Variants in FRAS1 observed in about 807,000 individuals in gnomAD.
The protein encoded by FRAS1 is extracellular matrix organizing protein FRAS1.
A neutral mutation model predicts 435.2 loss-of-function variants in FRAS1; 290 were observed. That is an observed-to-expected ratio of 0.67 (90% CI 0.61 to 0.73). FRAS1 has a LOEUF of 0.73. FRAS1 is among the 30% of genes least tolerant of loss of function. The pLI, the probability that FRAS1 is intolerant of heterozygous loss-of-function variation, is 0.00. For missense variants in FRAS1, 4,860 were observed against 5,001.5 expected (o/e 0.97, Z 0.85); for synonymous variants, 1,800 against 1,851.0 (o/e 0.97, Z 0.71).
At chr4:78,086,167 G>T (rs1414967285) in intron 2 of FRAS1, among the ~76,000 whole-genome samples, 1 of 152,298 alleles carries the variant, frequency 6.6e-6, no homozygotes, top group East Asian at 1.9e-4. Flanking sequence ...AACTGCTCCT[G>T]AATGACTACT....
Position 78,432,452 on chromosome 4 carries a change from A to G in FRAS1, c.5065A>G (p.Thr1689Ala), listed in dbSNP as rs1289910642. 1.2e-6 allele frequency: 2 copies of G among 1,613,352 alleles called. No individual in the cohort carries two copies. Among genetic ancestry groups the G allele is most frequent in the Non-Finnish European group, 1.7e-6 (2 of 1,179,638 alleles). The change falls in exon 38 of 74, where the codon ACA becomes GCA. Residue 1689 changes from threonine (T) to alanine (A), a missense_variant. Physicochemically the swap from Thr to Ala is moderately conservative, Grantham distance 58. Transcript: ENST00000512123. ...TREDSMEISV[T>A]DGLTVTMLEV... ...GGAAGACAGCATGGAGATCTCAGTC[A>G]CAGATGGCCTCACAGTGACAATGCT...
chr4:78,468,785 C>G (rs1417998458), intron 50 of FRAS1, among the ~76,000 whole-genome samples: 1 of 152,172 alleles, frequency 6.6e-6, no homozygotes, highest in Non-Finnish European at 1.5e-5. Context: ...TGTGTCTGAC[C>G]TGGGGAAGGC....
chr4:78,319,647 C>G lies in FRAS1; in HGVS notation c.2137+661C>G, dbSNP rs150904569. The G allele has an allele frequency of 2.2e-3, 649 of 288,564 alleles. 3 individuals carry two copies. Among genetic ancestry groups the G allele is most frequent in the African/African-American group, 0.013 (597 of 46,002 alleles). 17.9% of individuals were successfully genotyped at this position (288,564 alleles called of 1,614,324 possible). A position where few individuals can be genotyped will look rare whatever the true frequency, so the allele number is the denominator to read the frequency against. On this transcript the variant is annotated intron_variant, in intron 18 of 73. Coordinates refer to ENST00000512123, the MANE Select transcript of FRAS1 (RefSeq NM_025074.7). ...TTCATTAAAAAAATTTTATAATACACCCACTACCTAAACCCAATTGCCTTT... is the reference window on the plus strand; with the variant it reads ...TTCATTAAAAAAATTTTATAATACAGCCACTACCTAAACCCAATTGCCTTT...
At chr4:78,093,008 T>C (rs1163457910) in intron 2 of FRAS1, among the ~76,000 whole-genome samples, 1 of 152,220 alleles carries the variant, frequency 6.6e-6, no homozygotes, top group Admixed American at 6.5e-5. Context: ...AACCTTTCCT[T>C]TTTGTGTAGC....
In FRAS1 at chr4:78,069,425, CT is replaced by C. The variant is rs1364555922; in HGVS notation, c.108+3412del. On this transcript the variant is annotated intron_variant, in intron 2 of 73. Transcript: ENST00000512123. ...TTGTGAGGATTCCTCTCACTGATTC[CT>C]TTCAATCTCTTCACTCATTGCTTAG... Among the ~76,000 whole-genome samples the C allele has an allele frequency of 2.6e-5, 4 of 152,196 alleles. No homozygotes were observed. The East Asian group carries it at 7.7e-4, about 29-fold the overall frequency.
At chr4:78,395,515 C>A (rs76835383) in intron 29 of FRAS1, among the ~76,000 whole-genome samples, 23,628 of 151,804 alleles carry the variant, frequency 0.16, 2,287 homozygotes, top group Non-Finnish European at 0.23. Context: ...GTTCTGTTAA[C>A]ATTTGCTTGA....
At chr4:78,334,706 T>A (rs1012643678) in intron 19 of FRAS1, among the ~76,000 whole-genome samples, 12 of 152,122 alleles carry the variant, frequency 7.9e-5, no homozygotes, top group Non-Finnish European at 5.9e-5. Flanking sequence ...ATGTTATATG[T>A]ACAGATACGT....
chr4:78,369,855 G>A lies in FRAS1; in HGVS notation c.2740G>A (p.Gly914Arg). Residue 914 changes from glycine to arginine, a missense_variant, in exon 23 of 74, where the codon GGA (glycine) becomes AGA (arginine). Transcript: ENST00000512123. ...HVCQPCNTHCGSCDSQASCTS... is the reference protein window; with the variant it reads ...HVCQPCNTHCRSCDSQASCTS... ...CTGCTCAGCATGCAACACACACTGT[G>A]GAAGCTGTGATTCACAGGCCAGCTG... 6.2e-7 allele frequency: 1 copy of A among 1,613,180 alleles called. No homozygotes were observed. The highest frequency in any genetic ancestry group is 8.5e-7 in the Non-Finnish European group (1 of 1,179,588).
At chr4:78,363,785 T>C in intron 21 of FRAS1, 120 bp downstream of exon 21, 1 of 1,416,584 alleles carries the variant, frequency 7.1e-7, no homozygotes, top group East Asian at 2.5e-5. Context: ...ACCACTTCCA[T>C]GGGACTGTAA....
At chr4:78,299,676 T>C in intron 14 of FRAS1, among the ~76,000 whole-genome samples, 1 of 152,216 alleles carries the variant, frequency 6.6e-6, no homozygotes, top group East Asian at 1.9e-4. Flanking sequence ...ATGAACTCTC[T>C]AAAAAGCAGA....
At chr4:78,115,271 GA>G (rs2109948938) in intron 2 of FRAS1, among the ~76,000 whole-genome samples, 1 of 152,302 alleles carries the variant, frequency 6.6e-6, no homozygotes, top group South Asian at 2.1e-4. Context: ...GTTCATCACG[GA>G]TATTGGTCTG....
At chr4:78,372,607 A>T in intron 23 of FRAS1, 111 bp from the exon 24 acceptor site, 7 of 1,294,698 alleles carry the variant, frequency 5.4e-6, no homozygotes, top group Non-Finnish European at 7.7e-6. Context: ...GACATCTCTT[A>T]CGTTGTCCTT....
chr4:78,538,953 TAAA>T (rs10545506), intron 72 of FRAS1, among the ~76,000 whole-genome samples: 5,088 of 133,972 alleles, frequency 0.038, 276 homozygotes, highest in African/African-American at 0.13. Flanking sequence ...AGACTCCATC[TAAA>T]AAAAAAAAAA....
chr4:78,355,282 C>T (rs1344405109), intron 20 of FRAS1, among the ~76,000 whole-genome samples: 2 of 151,990 alleles, frequency 1.3e-5, no homozygotes, highest in Non-Finnish European at 2.9e-5. Flanking sequence ...ATACAAACAA[C>T]TGGAATTCCA....
intron 69 of FRAS1, among the ~76,000 whole-genome samples, chr4:78,523,320 T>C (rs6829018): frequency 0.55 from 83,117 of 151,968 alleles, 22,912 homozygotes; most frequent in Middle Eastern, 0.61. Context: ...AAACCTTTAT[T>C]GAATAAAGAA....
At chr4:78,540,343 T>G (rs1461211581) in intron 73 of FRAS1, among the ~76,000 whole-genome samples, 188 bp from the exon 74 acceptor site, 1 of 152,236 alleles carries the variant, frequency 6.6e-6, no homozygotes, top group Non-Finnish European at 1.5e-5. Context: ...AAGATCATCT[T>G]AATTTGGAAA....
intron 6 of FRAS1, among the ~76,000 whole-genome samples, chr4:78,257,368 T>C (rs1725843622): frequency 6.6e-6 from 1 of 152,162 alleles, no homozygotes; most frequent in African/African-American, 2.4e-5. Flanking sequence ...ACCTGCCTAA[T>C]AATAACCATA....
rs1210447934 is a variant in FRAS1, at chr4:78,184,283, C to CT, written c.109-53223dup. 2.6e-5 allele frequency among the ~76,000 whole-genome samples: 4 copies of CT among 152,254 alleles called. No homozygotes were observed. The East Asian group carries it at 5.8e-4, about 22-fold the overall frequency. ...GACTGTAGGGGTTGGCTAAGCAAGT[C>CT]TTTTACTGCAACTACTCTGCCACTA... is the stretch of plus-strand genomic sequence containing the variant. On this transcript the variant is annotated intron_variant, in intron 2 of 73. Transcript: ENST00000512123.
chr4:78,360,312 T>C (rs1731028464), intron 20 of FRAS1, among the ~76,000 whole-genome samples: 1 of 152,126 alleles, frequency 6.6e-6, no homozygotes, highest in African/African-American at 2.4e-5. Flanking sequence ...AATACCACAG[T>C]AAAATATTTT....
Sources: allele counts gnomAD v4.1 joint callset (sites outside exome capture counted in the v4.1 genomes callset), GRCh38; gene constraint gnomAD v4.1.1; transcripts MANE v1.5; gene names NCBI Gene and HGNC (gene_info 2026-07-23, HGNC 2026-07-21).